The following TRPM6 variants were observed in gnomAD, a reference collection of about 807,000 sequenced individuals.
TRPM6 encodes the protein transient receptor potential cation channel subfamily M member 6, also known as channel kinase 2.
Under a neutral mutation model 247.6 loss-of-function variants are expected in TRPM6, and 111 were observed. That is an observed-to-expected ratio of 0.45 (90% confidence interval 0.38 to 0.52). The LOEUF is 0.52. Ranked by LOEUF, TRPM6 falls within the 20% of genes least tolerant of loss-of-function variation. The probability of loss-of-function intolerance (pLI) is 0.00; values close to 1 mark genes in which losing one functional copy is unlikely to be tolerated. For synonymous variants in TRPM6, 892 were observed against 853.8 expected (o/e 1.04, Z -0.78); for missense variants, 2,126 against 2,421.5 (o/e 0.88, Z 2.56).
In TRPM6 at chr9:74,739,776, G is replaced by A. The variant is rs752556006; in HGVS notation, c.5434C>T (p.Arg1812Trp). The change falls in exon 34 of 39, where the codon CGG becomes TGG. Residue 1812 changes from arginine to tryptophan, a missense_variant. By Grantham distance (101) the Arg-to-Trp change is moderately radical. Around this residue, in one of 3 missense-constraint regions of TRPM6, gnomAD observed 327 missense variants for 397.7 expected, o/e 0.82. Transcript: ENST00000360774. Reference protein sequence around the residue: ...IVKSFLPEVVRTWHKIFQEST... With the variant: ...IVKSFLPEVVWTWHKIFQEST... Reference sequence around the variant, plus strand: ...TCCTGGAAGATTTTATGCCATGTCCGCACAACCTCAGGAAGAAAGGACTTG... The same window carrying A: ...TCCTGGAAGATTTTATGCCATGTCCACACAACCTCAGGAAGAAAGGACTTG... 2.7e-5 allele frequency: 44 copies of A among 1,613,852 alleles called. No individual in the cohort carries two copies. In the East Asian group the frequency reaches 6.0e-4, roughly 22 times the overall value.
At chr9:74,790,006 A>ATGTGTGTG (rs71912381) in intron 19 of TRPM6, among the ~76,000 whole-genome samples, 18,971 of 132,266 alleles carry the variant, frequency 0.14, 1,728 homozygotes, top group East Asian at 0.4. Context: ...TGAGAGAAAA[A>ATGTGTGTG]TGTGTGTGTG....
In TRPM6 at chr9:74,887,875, G is replaced by C. The variant is rs1182020863; in HGVS notation, c.-19C>G. 2 of 1,613,904 alleles carry C rather than the reference G, an allele frequency of 1.2e-6. No individual in the cohort carries two copies. Among genetic ancestry groups the C allele is most frequent in the Admixed American group, 3.3e-5 (2 of 59,994 alleles). ...CTTTCATCTTTGATTTGCAGGCCCT[G>C]CTCCCAAAGCCCTGTCTGAGCTTTT... On this transcript the variant is annotated 5_prime_UTR_variant, in exon 1 of 39. Transcript: ENST00000360774.
At chr9:74,793,282 C>T (rs1333980527) in intron 18 of TRPM6, among the ~76,000 whole-genome samples, 1 of 152,160 alleles carries the variant, frequency 6.6e-6, no homozygotes, top group Non-Finnish European at 1.5e-5. Context: ...GAAATACAAG[C>T]TGACTCTGTA....
intron 20 of TRPM6, among the ~76,000 whole-genome samples, chr9:74,786,727 G>A (rs1008277310): frequency 1.3e-5 from 2 of 151,686 alleles, no homozygotes; most frequent in Non-Finnish European, 2.9e-5. Context: ...GTGACAGAGC[G>A]AGGCTCTGTC....
chr9:74,845,980 A>C (rs1209398529), intron 3 of TRPM6, among the ~76,000 whole-genome samples: 5 of 152,238 alleles, frequency 3.3e-5, no homozygotes, highest in Admixed American at 1.3e-4. Flanking sequence ...ATGATTTAAA[A>C]AAAATTTACG....
At chr9:74,829,024 C>T (rs115960201) in intron 6 of TRPM6, among the ~76,000 whole-genome samples, 2,154 of 152,126 alleles carry the variant, frequency 0.014, 54 homozygotes, top group African/African-American at 0.05. Context: ...TGGCCAGGAG[C>T]GGTTATGCCT....
rs987340856 is a variant in TRPM6 at position 74,723,131 on chromosome 9, G to C, written c.*1482C>G. On this transcript the variant is annotated 3_prime_UTR_variant, in exon 39 of 39. Coordinates refer to ENST00000360774, the MANE Select transcript of TRPM6 (RefSeq NM_017662.5). ...GCAACCAGGCCCAGCATACAAGAGGGATGACTGATCCCTCAAATACACTAC... is the reference window on the plus strand; with the variant it reads ...GCAACCAGGCCCAGCATACAAGAGGCATGACTGATCCCTCAAATACACTAC... 1 of 152,104 alleles carries C rather than the reference G, an allele frequency of 6.6e-6. No individual in the cohort carries two copies. The highest frequency in any genetic ancestry group is 1.5e-5 in the Non-Finnish European group (1 of 68,034). The allele number at this position is 152,104 out of a possible 1,614,324, so 9.4% of individuals were successfully genotyped here. A position where few individuals can be genotyped will look rare whatever the true frequency, so the allele number is the denominator to read the frequency against.
chr9:74,848,123 A>G (rs1830169610), intron 3 of TRPM6, among the ~76,000 whole-genome samples: 1 of 152,202 alleles, frequency 6.6e-6, no homozygotes, highest in Admixed American at 6.5e-5. Context: ...TCGCAATTTC[A>G]TGGATAGAAG....
Position 74,747,896 on chromosome 9 carries a change from T to C in TRPM6, c.5076A>G (p.Gly1692=). 3.1e-6 allele frequency: 5 copies of C among 1,610,554 alleles called. No individual in the cohort carries two copies. The highest frequency in any genetic ancestry group is 4.2e-6 in the Non-Finnish European group (5 of 1,178,216). ...NRNSLLKSSI[G]VDKISASLKS... ...TTAAACAGAAAAACTTACTGTCAACTCCAATTGAACTTTTCAGCCTGTTTG... is the reference window on the plus strand; with the variant it reads ...TTAAACAGAAAAACTTACTGTCAACCCCAATTGAACTTTTCAGCCTGTTTG... Residue 1692 remains glycine, a synonymous_variant, in exon 31 of 39, where the codon GGA becomes GGG. Transcript: ENST00000360774.
chr9:74,824,897 A>T (rs915704496), intron 7 of TRPM6, among the ~76,000 whole-genome samples: 36 of 150,262 alleles, frequency 2.4e-4, no homozygotes, highest in East Asian at 9.7e-4. Flanking sequence ...TTTTTTTTTT[A>T]AAGTATTCTC....
chr9:74,739,837 C>T lies in TRPM6; in HGVS notation c.5373G>A (p.Glu1791=). The T allele has an allele frequency of 6.2e-7, 1 of 1,614,142 alleles. No homozygotes were observed. Among genetic ancestry groups the T allele is most frequent in the Non-Finnish European group, 8.5e-7 (1 of 1,180,024 alleles). Residue 1791 remains glutamate, a synonymous_variant, in exon 34 of 39, where the codon GAG becomes GAA. Coordinates refer to ENST00000360774, the MANE Select transcript of TRPM6 (RefSeq NM_017662.5). ...KAMRVVSTWS[E]DDILKPGQVF... ...CTTGTCCCGGCTTGAGAATGTCATCCTCAGACCAAGTGCTGACGACTCTCA... is the reference window on the plus strand; with the variant it reads ...CTTGTCCCGGCTTGAGAATGTCATCTTCAGACCAAGTGCTGACGACTCTCA...
chr9:74,752,392 T>G lies in TRPM6; in HGVS notation c.4907-24A>C, dbSNP rs1426727846. The G allele has an allele frequency of 2.3e-6, 3 of 1,298,640 alleles. No homozygotes were observed. The African/African-American group carries it at 4.4e-5, about 19-fold the overall frequency. The allele number at this position is 1,298,640 out of a possible 1,614,324, so 80.4% of individuals were successfully genotyped here. On this transcript the variant is annotated intron_variant, in intron 28 of 38. Transcript: ENST00000360774. The stretch of plus-strand genomic sequence containing the variant: ...ACCTTGTAAAGAGGAAGAGAAAGAT[T>G]AGAAAATACATGAAAATGTGTTACA...
chr9:74,800,629 A>C (rs1828292216), intron 16 of TRPM6, 147 bp from the exon 17 acceptor site: 1 of 652,120 alleles, frequency 1.5e-6, no homozygotes, highest in Non-Finnish European at 2.7e-6. Flanking sequence ...TAAAAAAAAA[A>C]AAAAAGCCAA....
intron 25 of TRPM6, among the ~76,000 whole-genome samples, chr9:74,765,536 T>C (rs1826799674): frequency 6.6e-6 from 1 of 152,150 alleles, no homozygotes; most frequent in Non-Finnish European, 1.5e-5. Flanking sequence ...TTCTCAATAA[T>C]GAAAATCTTC....
chr9:74,887,490 C>T (rs1831576084), intron 1 of TRPM6: 6 of 1,080,114 alleles, frequency 5.6e-6, no homozygotes, highest in East Asian at 2.6e-5. Flanking sequence ...GAGCTGCCTC[C>T]TCTCCCGGGG....
At chr9:74,872,661 G>A (rs1327067846) in intron 1 of TRPM6, among the ~76,000 whole-genome samples, 2 of 151,262 alleles carry the variant, frequency 1.3e-5, no homozygotes. Context: ...GTAGAGACAG[G>A]GTTTCCCTGT....
chr9:74,739,293 T>A (rs1031517665), intron 35 of TRPM6, 74 bp downstream of exon 35: 7 of 1,317,706 alleles, frequency 5.3e-6, no homozygotes, highest in Middle Eastern at 1.8e-4. Context: ...AGATTTCTCA[T>A]GAGTAATGGG....
intron 1 of TRPM6, among the ~76,000 whole-genome samples, chr9:74,880,867 G>C (rs1035594236): frequency 6.6e-6 from 1 of 152,020 alleles, no homozygotes; most frequent in Admixed American, 6.6e-5. Context: ...AAAGAACCAA[G>C]GATATACAAA....
chr9:74,742,442 T>C, intron 33 of TRPM6, 119 bp downstream of exon 33: 1 of 940,964 alleles, frequency 1.1e-6, no homozygotes, highest in South Asian at 1.4e-5. Context: ...CTCACTAAAC[T>C]ACAACTATCA....
Sources: allele counts gnomAD v4.1 joint callset (sites outside exome capture counted in the v4.1 genomes callset), GRCh38; gene constraint gnomAD v4.1.1; regional missense constraint gnomAD v4.1.1; transcripts MANE v1.5; gene names NCBI Gene and HGNC (gene_info 2026-07-23, HGNC 2026-07-21).